The following PRDM16 variants were observed in gnomAD, a reference collection of about 807,000 sequenced individuals.
PRDM16 encodes the protein PR/SET domain 16.
Under a neutral mutation model 110.6 loss-of-function variants are expected in PRDM16, and 23 were observed. The ratio of observed to expected loss-of-function variants is 0.21; its 90% CI spans 0.15 to 0.29. PRDM16 has a LOEUF of 0.29. PRDM16 is among the 10% of genes least tolerant of loss of function. PRDM16 has a pLI of 1.00. For synonymous variants in PRDM16, 799 were observed against 781.8 expected (o/e 1.02, Z -0.37); for missense variants, 1,615 against 1,794.3 (o/e 0.90, Z 1.81).
In PRDM16 at chr1:3,246,935, C is replaced by G. The variant is rs1250700939; in HGVS notation, c.438+2798C>G. 1.3e-5 allele frequency among the ~76,000 whole-genome samples: 2 copies of G among 152,094 alleles called. No homozygotes were observed. Among genetic ancestry groups the G allele is most frequent in the African/African-American group, 4.8e-5 (2 of 41,412 alleles). On this transcript the variant is annotated intron_variant, in intron 3 of 16. Coordinates refer to ENST00000270722, the MANE Select transcript of PRDM16 (RefSeq NM_022114.4). This position sits in a 1 kb window ranked among gnomAD's most constrained non-coding sequence, Gnocchi z 5.2. ...AGTGGGCGTCAGTCCAGACGGAGAC[C>G]CCACCCTGCAAACAAATGCGCCACT...
At chr1:3,269,738 A>T (rs1219877423) in intron 3 of PRDM16, among the ~76,000 whole-genome samples, 1 of 150,156 alleles carries the variant, frequency 6.7e-6, no homozygotes, top group Non-Finnish European at 1.5e-5. Context: ...AGTTGGGAGG[A>T]CAGTCAGGAG....
intron 3 of PRDM16, among the ~76,000 whole-genome samples, chr1:3,297,668 GA>G (rs1448107868): frequency 6.6e-6 from 1 of 152,154 alleles, no homozygotes; most frequent in Non-Finnish European, 1.5e-5. Flanking sequence ...AAGAGAGGGG[GA>G]TGAGGCTCCT....
rs1036983251 is a variant in PRDM16, at chr1:3,433,902, C to T, written c.*91C>T. 1.2e-5 allele frequency: 16 copies of T among 1,306,230 alleles called. No individual in the cohort carries two copies. The highest frequency in any genetic ancestry group is 7.3e-5 in the African/African-American group (5 of 68,726). The allele number at this position is 1,306,230 out of a possible 1,614,324, so 80.9% of individuals were successfully genotyped here. A position where few individuals can be genotyped will look rare whatever the true frequency, so the allele number is the denominator to read the frequency against. On this transcript the variant is annotated 3_prime_UTR_variant, in exon 17 of 17. Transcript: ENST00000270722. ...GGGGCCCCGGAGAACCCTGTCCCTG[C>T]GTGTGGCCACTCCTCAGCATCCTCC...
chr1:3,360,287 T>C (rs1282990852), intron 3 of PRDM16, among the ~76,000 whole-genome samples: 1 of 152,158 alleles, frequency 6.6e-6, no homozygotes, highest in Non-Finnish European at 1.5e-5. Context: ...CTGTGCTGGC[T>C]CTTTGTTGTT....
intron 3 of PRDM16, among the ~76,000 whole-genome samples, chr1:3,298,771 C>A (rs79146074): frequency 0.012 from 1,879 of 152,264 alleles, 38 homozygotes; most frequent in African/African-American, 0.043. Context: ...AGTTCTGGAG[C>A]TGTAGGAGTC....
intron 1 of PRDM16, among the ~76,000 whole-genome samples, chr1:3,120,124 G>C (rs1198124979): frequency 1.4e-5 from 2 of 142,848 alleles, no homozygotes; most frequent in Non-Finnish European, 3.0e-5. Context: ...GAGCTTCCGT[G>C]GGGGATGGCA....
rs1638580589 is a variant in PRDM16 at position 3,425,567 on chromosome 1, T to C, written c.2940-14T>C. ...GCCGGGGCCTGCACTGAGGAGCGCGTGTGCCCCTTCCAGGTGTAAGTACTG... is the reference window on the plus strand; with the variant it reads ...GCCGGGGCCTGCACTGAGGAGCGCGCGTGCCCCTTCCAGGTGTAAGTACTG... On this transcript the variant is annotated splice_polypyrimidine_tract_variant and intron_variant, in intron 12 of 16. Coordinates refer to ENST00000270722, the MANE Select transcript of PRDM16 (RefSeq NM_022114.4). This position sits in a 1 kb window ranked among gnomAD's most constrained non-coding sequence, Gnocchi z 6.9. 6.2e-7 allele frequency: 1 copy of C among 1,612,852 alleles called. No homozygotes were observed. Among genetic ancestry groups the C allele is most frequent in the African/African-American group, 1.3e-5 (1 of 74,832 alleles).
chr1:3,393,933 G>A (rs1162783780), intron 4 of PRDM16, among the ~76,000 whole-genome samples: 1 of 152,150 alleles, frequency 6.6e-6, no homozygotes, highest in Admixed American at 6.5e-5. Flanking sequence ...CCATGGCCAA[G>A]GCGCCCTCCT....
intron 3 of PRDM16, among the ~76,000 whole-genome samples, chr1:3,313,695 C>G (rs569935580): frequency 6.6e-6 from 1 of 152,236 alleles, no homozygotes; most frequent in Non-Finnish European, 1.5e-5. Context: ...CCGCCAGTGC[C>G]GCAGTTGCTG....
chr1:3,243,579 G>A lies in PRDM16; in HGVS notation c.388-508G>A, dbSNP rs565274863. ...GGACTGTAAGCCCCCGGAGGGCAGGGACTGCACCTCGCTGTCTCTCACCTG... is the reference window on the plus strand; with the variant it reads ...GGACTGTAAGCCCCCGGAGGGCAGGAACTGCACCTCGCTGTCTCTCACCTG... On this transcript the variant is annotated intron_variant, in intron 2 of 16. Coordinates refer to ENST00000270722, the MANE Select transcript of PRDM16 (RefSeq NM_022114.4). This position sits in a 1 kb window ranked among gnomAD's most constrained non-coding sequence, Gnocchi z 5.5. Among the ~76,000 whole-genome samples the A allele has an allele frequency of 2.0e-5, 3 of 152,336 alleles. No homozygotes were observed. The highest frequency in any genetic ancestry group is 1.9e-4 in the East Asian group (1 of 5,172).
At chr1:3,235,255 TCTC>T (rs1290399052) in intron 2 of PRDM16, among the ~76,000 whole-genome samples, 1 of 152,136 alleles carries the variant, frequency 6.6e-6, no homozygotes, top group Non-Finnish European at 1.5e-5. Context: ...CGCAGAACTT[TCTC>T]CTCATTTCCA....
chr1:3,329,979 G>A (rs1642010685), intron 3 of PRDM16, among the ~76,000 whole-genome samples: 1 of 152,244 alleles, frequency 6.6e-6, no homozygotes, highest in Admixed American at 6.5e-5. Context: ...AAGGAGGCTT[G>A]GAGATCACTG....
chr1:3,364,054 C>T (rs938204133), intron 3 of PRDM16, among the ~76,000 whole-genome samples: 4 of 152,132 alleles, frequency 2.6e-5, no homozygotes, highest in Non-Finnish European at 5.9e-5. Flanking sequence ...ACATGCCTCC[C>T]CCGCATCTTG....
At chr1:3,408,603 GGTGT>G (rs756989579) in intron 8 of PRDM16, among the ~76,000 whole-genome samples, 5 of 141,604 alleles carry the variant, frequency 3.5e-5, no homozygotes, top group African/African-American at 9.1e-5. Flanking sequence ...TGTGTGAGCT[GGTGT>G]GTGTGTGAGT....
chr1:3,073,495 C>T (rs1477469343), intron 1 of PRDM16, among the ~76,000 whole-genome samples: 2 of 152,206 alleles, frequency 1.3e-5, no homozygotes, highest in African/African-American at 4.8e-5. Context: ...AGCTGCAGCT[C>T]CCGTCGCCGG....
Position 3,412,138 on chromosome 1 carries a change from C to G in PRDM16, c.1941C>G (p.Pro647=). The change falls in exon 9 of 17, where the codon CCC becomes CCG. Residue 647 remains proline, a synonymous_variant. Coordinates refer to ENST00000270722, the MANE Select transcript of PRDM16 (RefSeq NM_022114.4). The part of the protein sequence containing the change: ...KGKGKSAEGQ[P]KFGGGLAPPG... Reference sequence around the variant, plus strand: ...AGGGCAAGTCCGCCGAGGGCCAGCCCAAGTTTGGGGGCGGCTTGGCGCCCC... The same window carrying G: ...AGGGCAAGTCCGCCGAGGGCCAGCCGAAGTTTGGGGGCGGCTTGGCGCCCC... 6.4e-7 allele frequency: 1 copy of G among 1,563,322 alleles called. No individual in the cohort carries two copies. Among genetic ancestry groups the G allele is most frequent in the Non-Finnish European group, 8.7e-7 (1 of 1,155,234 alleles).
At chr1:3,278,770 G>A (rs566030682) in intron 3 of PRDM16, among the ~76,000 whole-genome samples, 2 of 152,270 alleles carry the variant, frequency 1.3e-5, no homozygotes, top group African/African-American at 4.8e-5. Flanking sequence ...TCTGGCAGAC[G>A]TGTCCAAACT....
intron 3 of PRDM16, among the ~76,000 whole-genome samples, chr1:3,330,460 GC>G (rs747604503): frequency 8.5e-5 from 13 of 152,192 alleles, no homozygotes; most frequent in Admixed American, 3.9e-4. Flanking sequence ...GAGAGCAGAG[GC>G]CTCACATGGC....
At chr1:3,399,831 A>G (rs1396836902) in intron 5 of PRDM16, among the ~76,000 whole-genome samples, 1 of 152,232 alleles carries the variant, frequency 6.6e-6, no homozygotes, top group African/African-American at 2.4e-5. Flanking sequence ...GTCCAGAAAG[A>G]GTAAAATAAA....
Sources: gnomAD v4.1 joint callset for allele counts (sites outside exome capture counted in the v4.1 genomes callset) on GRCh38, gnomAD v4.1.1 for gene constraint, Gnocchi (gnomAD v3.1) non-coding constraint, MANE v1.5 for transcripts, NCBI Gene and HGNC (gene_info 2026-07-23, HGNC 2026-07-21) for gene names.